Variants in PCDHA12 observed in about 807,000 individuals in gnomAD.
The protein encoded by PCDHA12 is protocadherin alpha 12.
In PCDHA12, 44 loss-of-function variants were observed where a neutral mutation model predicts 60.0. That is an observed-to-expected ratio of 0.73 (90% CI 0.58 to 0.94). The LOEUF is 0.94. Among genes scored for constraint, PCDHA12 ranks in the 40% least tolerant of loss-of-function variants. PCDHA12 has a pLI of 0.00. For missense variants in PCDHA12, 1,276 were observed against 1,239.7 expected, an observed-to-expected ratio of 1.03 and a Z score of -0.44; for synonymous variants, 569 against 553.0, an observed-to-expected ratio of 1.03 and a Z score of -0.40.
chr5:140,979,797 C>T (rs1253949980), intron 2 of PCDHA12, among the ~76,000 whole-genome samples: 1 of 152,154 alleles, frequency 6.6e-6, no homozygotes, highest in African/African-American at 2.4e-5. Flanking sequence ...AACAAATGAT[C>T]ACAACTATCA....
chr5:140,983,777 A>G (rs947937417), intron 3 of PCDHA12, among the ~76,000 whole-genome samples: 1 of 152,256 alleles, frequency 6.6e-6, no homozygotes, highest in Non-Finnish European at 1.5e-5. Context: ...ATCTACATAC[A>G]TAACAGATGA....
intron 1 of PCDHA12, among the ~76,000 whole-genome samples, chr5:140,898,010 T>A (rs2066467224): frequency 6.6e-6 from 1 of 152,240 alleles, no homozygotes; most frequent in African/African-American, 2.4e-5. Context: ...TCTGTTCATA[T>A]CCTTTGCCCA....
chr5:140,976,374 A>G (rs1163913998), intron 1 of PCDHA12, among the ~76,000 whole-genome samples: 2 of 152,040 alleles, frequency 1.3e-5, no homozygotes, highest in Non-Finnish European at 2.9e-5. Context: ...AACATGGTGA[A>G]ACCCCATCTC....
At chr5:140,969,606 C>T (rs2096345912) in intron 1 of PCDHA12, 1 of 758,598 alleles carries the variant, frequency 1.3e-6, no homozygotes, top group South Asian at 2.1e-5. Context: ...AATGCTAAAA[C>T]ACAGATTTGT....
chr5:140,928,547 A>T (rs782813761), intron 1 of PCDHA12: 5 of 1,614,206 alleles, frequency 3.1e-6, no homozygotes, highest in Middle Eastern at 3.3e-4. Context: ...AATGACAATT[A>T]TCCGGTTATC....
chr5:140,990,895 G>A (rs550774822), intron 3 of PCDHA12, among the ~76,000 whole-genome samples: 15 of 152,284 alleles, frequency 9.9e-5, no homozygotes, highest in Non-Finnish European at 1.9e-4. Flanking sequence ...GTGGGTCGTT[G>A]CTGGGTCAAG....
At chr5:140,887,757 C>T (rs1303665192) in intron 1 of PCDHA12, among the ~76,000 whole-genome samples, 16 of 152,166 alleles carry the variant, frequency 1.1e-4, no homozygotes, top group Admixed American at 9.8e-4. Flanking sequence ...TCCAGTAACA[C>T]ATATGTTACA....
rs782355791 is a variant in PCDHA12, at chr5:140,982,576, G to A, written c.2515+13G>A. The A allele has an allele frequency of 5.6e-6, 9 of 1,613,152 alleles. No homozygotes were observed. In the Admixed American group the frequency reaches 6.7e-5, roughly 12 times the overall value. ...AGTGCAACACCAGGTAAAGAGCTGG[G>A]GTCTCTCCATTCTTTCTTGGTTTCT... On this transcript the variant is annotated intron_variant, in intron 3 of 3. Transcript: ENST00000398631.
chr5:140,888,343 G>C (rs1476390329), intron 1 of PCDHA12, among the ~76,000 whole-genome samples: 1 of 152,152 alleles, frequency 6.6e-6, no homozygotes, highest in Admixed American at 6.5e-5. Context: ...ATTACAACTA[G>C]GGAATTGCTA....
intron 1 of PCDHA12, among the ~76,000 whole-genome samples, chr5:140,878,446 T>C (rs2057593210): frequency 6.6e-6 from 1 of 152,210 alleles, no homozygotes; most frequent in Admixed American, 6.5e-5. Flanking sequence ...CTATTCTTAT[T>C]TACATGAAAT....
At chr5:140,920,199 C>G (rs2079510871) in intron 1 of PCDHA12, among the ~76,000 whole-genome samples, 1 of 152,116 alleles carries the variant, frequency 6.6e-6, no homozygotes, top group African/African-American at 2.4e-5. Flanking sequence ...GTCACAGCAG[C>G]CACAGAAAAC....
In PCDHA12 at chr5:140,992,699, T is replaced by A. The variant is rs149489820; in HGVS notation, c.2515+10136T>A. Among the ~76,000 whole-genome samples the A allele has an allele frequency of 7.6e-3, 1,153 of 152,282 alleles. 6 individuals carry two copies. The highest frequency in any genetic ancestry group is 0.014 in the Middle Eastern group (4 of 294). On this transcript the variant is annotated intron_variant, in intron 3 of 3. Transcript: ENST00000398631. ...GTGTTAGGGGTTGAGGGGTGGGTAA[T>A]GTTCCTGCCAGTATTCGTAAATCCC...
At chr5:140,982,317 AG>A in intron 2 of PCDHA12, 157 bp from the exon 3 acceptor site, 1 of 1,347,244 alleles carries the variant, frequency 7.4e-7, no homozygotes, top group East Asian at 2.5e-5. Flanking sequence ...CAGTTTATGC[AG>A]GGTGACTGCT....
intron 1 of PCDHA12, among the ~76,000 whole-genome samples, chr5:140,903,398 T>C (rs1011557575): frequency 1.3e-5 from 2 of 152,204 alleles, no homozygotes; most frequent in Admixed American, 1.3e-4. Context: ...CTAGAAACAG[T>C]AGTGCAGTCA....
intron 3 of PCDHA12, 79 bp downstream of exon 3, chr5:140,982,642 G>T: frequency 6.5e-7 from 1 of 1,529,982 alleles, no homozygotes; most frequent in Non-Finnish European, 8.8e-7. Flanking sequence ...GATCAGGAAT[G>T]TTGATGGCTC....
intron 3 of PCDHA12, among the ~76,000 whole-genome samples, chr5:141,000,417 A>ATT (rs1563652061): frequency 3.2e-4 from 25 of 77,724 alleles, no homozygotes; most frequent in African/African-American, 1.1e-3. Context: ...ATATATATAT[A>ATT]TATATTTTTT....
At chr5:140,883,291 A>T (rs1554177505) in intron 1 of PCDHA12, 1 of 1,614,118 alleles carries the variant, frequency 6.2e-7, no homozygotes, top group South Asian at 1.1e-5. Flanking sequence ...TGGAAGTACT[A>T]GATGTAAATG....
intron 1 of PCDHA12, among the ~76,000 whole-genome samples, chr5:140,961,406 G>C (rs1046743232): frequency 4.6e-5 from 7 of 152,008 alleles, no homozygotes; most frequent in Non-Finnish European, 1.0e-4. Flanking sequence ...AACACTTTTT[G>C]GCATGTTATT....
chr5:140,919,509 A>G (rs897648504), intron 1 of PCDHA12, among the ~76,000 whole-genome samples: 1 of 152,052 alleles, frequency 6.6e-6, no homozygotes, highest in Non-Finnish European at 1.5e-5. Context: ...CTTTTTCTAT[A>G]TGTTTTAATT....
Sources: gnomAD v4.1 joint callset for allele counts (sites outside exome capture counted in the v4.1 genomes callset) on GRCh38, gnomAD v4.1.1 for gene constraint, MANE v1.5 for transcripts, NCBI Gene and HGNC (gene_info 2026-07-23, HGNC 2026-07-21) for gene names.